UGT1A4: variants seen among roughly 807,000 people sequenced by gnomAD.
The protein encoded by UGT1A4 is UDP glucuronosyltransferase family 1 member A4, also known as UDP-glucuronosyltransferase 1A4.
A neutral mutation model predicts 41.1 loss-of-function variants in UGT1A4; 32 were observed. The ratio of observed to expected loss-of-function variants is 0.78; its 90% confidence interval spans 0.59 to 1.05. UGT1A4 has a LOEUF of 1.05. UGT1A4 is among the 50% of genes least tolerant of loss of function. The probability of loss-of-function intolerance (pLI) is 0.00; values close to 1 mark genes in which losing one functional copy is unlikely to be tolerated. For missense variants in UGT1A4, 748 were observed against 677.4 expected (o/e 1.10, Z -1.16); for synonymous variants, 283 against 265.1 (o/e 1.07, Z -0.66).
intron 1 of UGT1A4, among the ~76,000 whole-genome samples, chr2:233,730,211 C>G (rs186476397): frequency 6.6e-6 from 1 of 152,112 alleles, no homozygotes; most frequent in East Asian, 1.9e-4. Flanking sequence ...GAAGTAGACA[C>G]GAATGTTTGT....
chr2:233,760,360 T>A (rs751894919), intron 1 of UGT1A4: 1 of 1,614,114 alleles, frequency 6.2e-7, no homozygotes, highest in East Asian at 2.2e-5. Flanking sequence ...CCCAGTGGTG[T>A]CCCATGCTGG....
chr2:233,765,712 T>A (rs1046504378), intron 1 of UGT1A4, among the ~76,000 whole-genome samples: 5 of 111,216 alleles, frequency 4.5e-5, no homozygotes, highest in Non-Finnish European at 8.4e-5. Context: ...TAATAATAAT[T>A]AATAATAATA....
At chr2:233,744,789 C>A (rs957843917) in intron 1 of UGT1A4, among the ~76,000 whole-genome samples, 10 of 151,986 alleles carry the variant, frequency 6.6e-5, no homozygotes, top group Admixed American at 2.6e-4. Flanking sequence ...CTGAAAAATT[C>A]TTGGGGATCC....
At position 233,719,232 on chromosome 2, in the gene UGT1A4, A is replaced by G. The variant is rs1490347566; in HGVS notation, c.412A>G (p.Ile138Val). 6 of 1,614,104 alleles carry G rather than the reference A, an allele frequency of 3.7e-6. No individual in the cohort carries two copies. In the African/African-American group the frequency reaches 8.0e-5, roughly 22 times the overall value. Residue 138 changes from isoleucine (I) to valine (V), a missense_variant, in exon 1 of 5, where the codon ATC (isoleucine) becomes GTC (valine). Coordinates refer to ENST00000373409, the MANE Select transcript of UGT1A4 (RefSeq NM_007120.3). ...CVELLHNEALIRHLNATSFDV... is the reference protein window; with the variant it reads ...CVELLHNEALVRHLNATSFDV... The stretch of plus-strand genomic sequence containing the variant: ...GGAGCTACTGCATAATGAGGCCCTG[A>G]TCAGGCACCTGAATGCTACTTCCTT...
chr2:233,727,163 C>T (rs1212217788), intron 1 of UGT1A4, among the ~76,000 whole-genome samples: 2 of 152,150 alleles, frequency 1.3e-5, no homozygotes, highest in Non-Finnish European at 2.9e-5. Flanking sequence ...TTTCAGGATG[C>T]TTTTTTCTGT....
chr2:233,767,747 C>CTG lies in UGT1A4; in HGVS notation c.1000-100_1000-99dup, dbSNP rs35331289. ...ACTGATCCTCCCACTCTGTTAAAGA[C>CTG]TGTTCCTTCAGAGGACCCCTGTTTT... is the stretch of plus-strand genomic sequence containing the variant. On this transcript the variant is annotated intron_variant, in intron 2 of 4. Coordinates refer to ENST00000373409, the MANE Select transcript of UGT1A4 (RefSeq NM_007120.3). 3.9e-3 allele frequency: 6,206 copies of CTG among 1,591,080 alleles called. 210 individuals are homozygous for CTG. In the African/African-American group the frequency reaches 0.073, roughly 19 times the overall value.
chr2:233,728,202 T>G (rs2077690162), intron 1 of UGT1A4, among the ~76,000 whole-genome samples: 1 of 152,206 alleles, frequency 6.6e-6, no homozygotes, highest in Non-Finnish European at 1.5e-5. Context: ...CTGGATTGAC[T>G]TGGAGAAGAG....
At chr2:233,729,199 T>G (rs767614546) in intron 1 of UGT1A4, 1 of 1,614,000 alleles carries the variant, frequency 6.2e-7, no homozygotes, top group Non-Finnish European at 8.5e-7. Context: ...TGTCCAGCCC[T>G]GGGCTGAGAG....
In UGT1A4 at chr2:233,719,134, A is replaced by G. The variant is rs566867363; in HGVS notation, c.314A>G (p.His105Arg). ...ACTCAAGGGTTCTTTGAAACAGAACATCTTCTGAAGAGATATTCTAGAAGT... is the reference window on the plus strand; with the variant it reads ...ACTCAAGGGTTCTTTGAAACAGAACGTCTTCTGAAGAGATATTCTAGAAGT... ...GYTQGFFETE[H>R]LLKRYSRSMA... The change falls in exon 1 of 5, where the codon CAT becomes CGT. Residue 105 changes from histidine (H) to arginine (R), a missense_variant. Transcript: ENST00000373409. 20 of 1,614,272 alleles carry G rather than the reference A, an allele frequency of 1.2e-5. No individual in the cohort carries two copies. The East Asian group carries it at 1.8e-4, about 14-fold the overall frequency.
chr2:233,768,143 G>A lies in UGT1A4; in HGVS notation c.1088-77G>A, dbSNP rs995477416. ...GTGAGTAACACTGAGTCTTTGGAGTGTTTTCAGAACCTAGATGTGTCCAGC... is the reference window on the plus strand; with the variant it reads ...GTGAGTAACACTGAGTCTTTGGAGTATTTTCAGAACCTAGATGTGTCCAGC... On this transcript the variant is annotated intron_variant, in intron 3 of 4. Coordinates refer to ENST00000373409, the MANE Select transcript of UGT1A4 (RefSeq NM_007120.3). 1.6e-5 allele frequency: 26 copies of A among 1,610,468 alleles called. No homozygotes were observed. In the African/African-American group the frequency reaches 3.5e-4, roughly 22 times the overall value.
chr2:233,731,447 C>A (rs113893267), intron 1 of UGT1A4, among the ~76,000 whole-genome samples: 5,926 of 152,214 alleles, frequency 0.039, 357 homozygotes, highest in African/African-American at 0.13. Flanking sequence ...TCCCCCACCC[C>A]ACAACAGGCC....
intron 1 of UGT1A4, among the ~76,000 whole-genome samples, chr2:233,762,822 C>T (rs1698173721): frequency 6.6e-6 from 1 of 150,904 alleles, no homozygotes; most frequent in African/African-American, 2.4e-5. Flanking sequence ...TATTGATTTT[C>T]ATAATAAAAA....
intron 1 of UGT1A4, among the ~76,000 whole-genome samples, chr2:233,744,543 A>T (rs946291189): frequency 4.6e-5 from 7 of 152,050 alleles, no homozygotes; most frequent in East Asian, 1.9e-4. Flanking sequence ...TGTAAATTTT[A>T]TTAAGACAAA....
chr2:233,771,063 C>G (rs913473960), intron 4 of UGT1A4: 3 of 152,106 alleles, frequency 2.0e-5, no homozygotes, highest in Admixed American at 1.3e-4. Flanking sequence ...ATGACCGGCT[C>G]TCACAATAAC....
At chr2:233,739,887 A>G (rs1419215414) in intron 1 of UGT1A4, among the ~76,000 whole-genome samples, 1 of 151,912 alleles carries the variant, frequency 6.6e-6, no homozygotes, top group African/African-American at 2.4e-5. Context: ...GTGTGTTTCC[A>G]CCCAAATCTC....
chr2:233,724,111 G>A (rs2077170036), intron 1 of UGT1A4, among the ~76,000 whole-genome samples: 1 of 116,358 alleles, frequency 8.6e-6, no homozygotes. Context: ...GGGCGGCCGG[G>A]CAGAGGCGCC....
intron 1 of UGT1A4, chr2:233,748,175 C>G: frequency 6.3e-7 from 1 of 1,584,336 alleles, no homozygotes; most frequent in South Asian, 1.2e-5. Context: ...ACTTATCTTT[C>G]TGGTGCTTTT....
At position 233,729,937 on chromosome 2, in the gene UGT1A4, C is replaced by A; in HGVS notation, c.867+10250C>A. The A allele has an allele frequency of 3.1e-6, 5 of 1,614,026 alleles. No individual in the cohort carries two copies. The Admixed American group carries it at 8.3e-5, about 27-fold the overall frequency. On this transcript the variant is annotated intron_variant, in intron 1 of 4. Coordinates refer to ENST00000373409, the MANE Select transcript of UGT1A4 (RefSeq NM_007120.3). ...GATGGACTACCCCAGGCCAATCATG[C>A]CCAACATGGTCTTCATTGGGGGCAT... is the stretch of plus-strand genomic sequence containing the variant.
chr2:233,755,294 G>A, intron 1 of UGT1A4: 1 of 630,960 alleles, frequency 1.6e-6, no homozygotes. Flanking sequence ...GAGCCTGCGG[G>A]GCACTGGCAC....
Sources: gnomAD v4.1 joint callset for allele counts (sites outside exome capture counted in the v4.1 genomes callset) on GRCh38, gnomAD v4.1.1 for gene constraint, MANE v1.5 for transcripts, NCBI Gene and HGNC (gene_info 2026-07-23, HGNC 2026-07-21) for gene names.